The following TSPAN9 variants were observed in gnomAD, a reference collection of about 807,000 sequenced individuals.
TSPAN9 encodes tetraspanin 9.
In TSPAN9, 16 loss-of-function variants were observed where a neutral mutation model predicts 31.0. The ratio of observed to expected loss-of-function variants is 0.52; its 90% CI spans 0.35 to 0.78. TSPAN9 has a LOEUF of 0.78. TSPAN9 is among the 30% of genes least tolerant of loss of function. The pLI is 0.01. For synonymous variants in TSPAN9, 145 were observed against 121.6 expected (o/e 1.19, Z -1.27); for missense variants, 272 against 312.5 (o/e 0.87, Z 0.98).
In TSPAN9 at chr12:3,121,533, C is replaced by CT. The variant is rs59376087; in HGVS notation, c.-18+37839dup. Among the ~76,000 whole-genome samples, 309 of 92,892 alleles carry CT rather than the reference C, an allele frequency of 3.3e-3. 8 individuals carry two copies. The highest frequency in any genetic ancestry group is 0.023 in the East Asian group (67 of 2,930). 60.9% of individuals were successfully genotyped at this position (92,892 alleles called of 152,430 possible). ...TGCCACCATATCTGGCTAATTAAAA[C>CT]TTTTTTTTTTTTTTTTTTTTTTTTT... On this transcript the variant is annotated intron_variant, in intron 2 of 8. Transcript: ENST00000011898.
chr12:3,116,554 T>C (rs1482399804), intron 2 of TSPAN9, among the ~76,000 whole-genome samples: 1 of 152,018 alleles, frequency 6.6e-6, no homozygotes, highest in Non-Finnish European at 1.5e-5. Flanking sequence ...TTGTGATTGT[T>C]GTAAGGTAAA....
At chr12:3,153,524 TACATAATCATCACAATTATGATCATCATC>T (rs1318245873) in intron 2 of TSPAN9, among the ~76,000 whole-genome samples, 10 of 151,850 alleles carry the variant, frequency 6.6e-5, no homozygotes, top group African/African-American at 2.4e-4. Context: ...TACTATAAGC[TACATAATCATCACAATTATGATCATCATC>T]ATCACACTTT....
intron 2 of TSPAN9, among the ~76,000 whole-genome samples, chr12:3,194,295 G>A (rs765356893): frequency 6.0e-4 from 92 of 152,304 alleles, no homozygotes; most frequent in Non-Finnish European, 5.6e-4. Flanking sequence ...GAAGGAGGGA[G>A]GAGCAGACCT....
intron 2 of TSPAN9, among the ~76,000 whole-genome samples, chr12:3,149,544 T>C (rs987457629): frequency 1.3e-5 from 2 of 152,156 alleles, no homozygotes; most frequent in Non-Finnish European, 2.9e-5. Flanking sequence ...GGAGAAGCAT[T>C]GCCACCTGTC....
chr12:3,135,597 C>T (rs2098331741), intron 2 of TSPAN9, among the ~76,000 whole-genome samples: 1 of 152,168 alleles, frequency 6.6e-6, no homozygotes. Flanking sequence ...CTGAGGCTTG[C>T]TTGGTGGCCT....
chr12:3,136,957 C>T (rs1400966297), intron 2 of TSPAN9, among the ~76,000 whole-genome samples: 11 of 152,200 alleles, frequency 7.2e-5, no homozygotes, highest in African/African-American at 2.4e-4. Context: ...CCCGTCCAGT[C>T]CTGCTGTGAA....
intron 3 of TSPAN9, among the ~76,000 whole-genome samples, chr12:3,247,063 A>G (rs1445428487): frequency 2.0e-5 from 3 of 152,070 alleles, no homozygotes; most frequent in African/African-American, 7.2e-5. Context: ...AGAGAAGAGG[A>G]GCAACGTACT....
intron 2 of TSPAN9, among the ~76,000 whole-genome samples, chr12:3,093,304 T>G (rs975442563): frequency 6.6e-6 from 1 of 152,064 alleles, no homozygotes; most frequent in African/African-American, 2.4e-5. Flanking sequence ...GGGCCAGGCG[T>G]GGGGGGCAGT....
chr12:3,247,643 A>C (rs1367650868), intron 3 of TSPAN9, among the ~76,000 whole-genome samples: 1 of 152,130 alleles, frequency 6.6e-6, no homozygotes, highest in Non-Finnish European at 1.5e-5. Context: ...GTCCATTGTC[A>C]TCTCCTTTTG....
chr12:3,082,424 C>CT (rs1217696039), intron 1 of TSPAN9, among the ~76,000 whole-genome samples: 2 of 152,192 alleles, frequency 1.3e-5, no homozygotes, highest in Admixed American at 6.5e-5. Context: ...CAGCCAAGAA[C>CT]TTTATCTGTC....
chr12:3,227,514 C>T (rs1340561288), intron 3 of TSPAN9, among the ~76,000 whole-genome samples: 1 of 152,200 alleles, frequency 6.6e-6, no homozygotes, highest in East Asian at 1.9e-4. Flanking sequence ...GTGAAATTTG[C>T]ATTGCGTGCT....
rs1393095819 is a variant in TSPAN9 at position 3,143,544 on chromosome 12, A to G, written c.-17-57633A>G. Among the ~76,000 whole-genome samples the G allele has an allele frequency of 2.0e-5, 3 of 152,054 alleles. No individual in the cohort carries two copies. Among genetic ancestry groups the G allele is most frequent in the East Asian group, 3.8e-4 (2 of 5,202 alleles). The stretch of plus-strand genomic sequence containing the variant: ...CTTATTTATTCAATTAGTTATTTTT[A>G]TCATTACAGACTCATGGATATTTAT... On this transcript the variant is annotated intron_variant, in intron 2 of 8. Coordinates refer to ENST00000011898, the MANE Select transcript of TSPAN9 (RefSeq NM_006675.5). This position sits in a 1 kb window ranked among gnomAD's most constrained non-coding sequence, Gnocchi z 4.2.
chr12:3,100,829 A>T lies in TSPAN9; in HGVS notation c.-18+17110A>T, dbSNP rs538187274. Among the ~76,000 whole-genome samples, 8 of 152,352 alleles carry T rather than the reference A, an allele frequency of 5.3e-5. 1 individual carries two copies. The South Asian group carries it at 1.7e-3, about 32-fold the overall frequency. On this transcript the variant is annotated intron_variant, in intron 2 of 8. Coordinates refer to ENST00000011898, the MANE Select transcript of TSPAN9 (RefSeq NM_006675.5). ...CTCTAAGTTGGCTGTGTCTTTGAGT[A>T]CAAAGATGATATGGTGTTTTTCTCA...
chr12:3,174,740 G>A lies in TSPAN9; in HGVS notation c.-17-26437G>A, dbSNP rs537655881. Among the ~76,000 whole-genome samples the A allele has an allele frequency of 1.4e-3, 185 of 136,642 alleles. 4 individuals are homozygous for A. The highest frequency in any genetic ancestry group is 1.6e-3 in the African/African-American group (66 of 40,710). 89.6% of individuals were successfully genotyped at this position (136,642 alleles called of 152,430 possible). A position where few individuals can be genotyped will look rare whatever the true frequency, so the allele number is the denominator to read the frequency against. On this transcript the variant is annotated intron_variant, in intron 2 of 8. Coordinates refer to ENST00000011898, the MANE Select transcript of TSPAN9 (RefSeq NM_006675.5). Reference sequence around the variant, plus strand: ...TGGGACTACAGGCGCCCACCACCGCGCCCGGCTAATTTTTTGTATTTTTAG... The same window carrying A: ...TGGGACTACAGGCGCCCACCACCGCACCCGGCTAATTTTTTGTATTTTTAG...
intron 2 of TSPAN9, among the ~76,000 whole-genome samples, chr12:3,194,781 C>T (rs1412314030): frequency 6.6e-6 from 1 of 152,226 alleles, no homozygotes; most frequent in East Asian, 1.9e-4. Context: ...AACCCTTTCA[C>T]CATCGATGTT....
chr12:3,230,622 G>A (rs780740057), intron 3 of TSPAN9, among the ~76,000 whole-genome samples: 1 of 152,134 alleles, frequency 6.6e-6, no homozygotes, highest in Non-Finnish European at 1.5e-5. Flanking sequence ...GGGGTGGCAA[G>A]GTTTCCTCAG....
chr12:3,100,950 T>C (rs553946114), intron 2 of TSPAN9, among the ~76,000 whole-genome samples: 1 of 152,328 alleles, frequency 6.6e-6, no homozygotes, highest in African/African-American at 2.4e-5. Context: ...TGAACCATGC[T>C]TCATGGTTAC....
intron 2 of TSPAN9, among the ~76,000 whole-genome samples, chr12:3,138,069 A>G (rs1308576979): frequency 3.3e-5 from 5 of 152,172 alleles, no homozygotes; most frequent in African/African-American, 1.2e-4. Context: ...CACTCCCTTC[A>G]GGAGCCTAGG....
At chr12:3,146,915 T>C (rs73050172) in intron 2 of TSPAN9, among the ~76,000 whole-genome samples, 25,684 of 152,004 alleles carry the variant, frequency 0.17, 2,413 homozygotes, top group Non-Finnish European at 0.22. Flanking sequence ...ATTCAGATTG[T>C]GACACTTACA....
Sources: allele counts gnomAD v4.1 joint callset (sites outside exome capture counted in the v4.1 genomes callset), GRCh38; gene constraint gnomAD v4.1.1; non-coding constraint Gnocchi (gnomAD v3.1); transcripts MANE v1.5; gene names NCBI Gene and HGNC (gene_info 2026-07-23, HGNC 2026-07-21).